AP1M1: variants seen among roughly 807,000 people sequenced by gnomAD.
AP1M1 encodes the protein AP-1 complex subunit mu-1.
In AP1M1, 18 loss-of-function variants were observed where a neutral mutation model predicts 57.1. The ratio of observed to expected loss-of-function variants is 0.32; its 90% CI spans 0.22 to 0.47. The LOEUF is 0.47. Among genes scored for constraint, AP1M1 ranks in the 20% least tolerant of loss-of-function variants. AP1M1 has a pLI of 1.00. For missense variants in AP1M1, 362 were observed against 593.5 expected, an observed-to-expected ratio of 0.61 and a Z score of 4.05; for synonymous variants, 241 against 237.9, an observed-to-expected ratio of 1.01 and a Z score of -0.12.
rs574249263 is a variant in AP1M1 at position 16,207,967 on chromosome 19, G to A, written c.268-52G>A. On this transcript the variant is annotated intron_variant, in intron 3 of 11. Coordinates refer to ENST00000291439, the MANE Select transcript of AP1M1 (RefSeq NM_032493.4). The surrounding 1 kb of genome is among the most constrained non-coding windows in gnomAD (Gnocchi z 4.2). Reference sequence around the variant, plus strand: ...GCAAGCGTTCATTCATTCCTCATCCGTCCGCTCAATGATCTGCCTCCCATT... The same window carrying A: ...GCAAGCGTTCATTCATTCCTCATCCATCCGCTCAATGATCTGCCTCCCATT... The A allele has an allele frequency of 1.3e-5, 20 of 1,576,754 alleles. No homozygotes were observed. Among genetic ancestry groups the A allele is most frequent in the East Asian group, 6.7e-5 (3 of 44,594 alleles).
chr19:16,216,733 C>T (rs1182157912), intron 5 of AP1M1, among the ~76,000 whole-genome samples: 2 of 152,196 alleles, frequency 1.3e-5, no homozygotes, highest in South Asian at 2.1e-4. Context: ...GAACTGCATG[C>T]TCTAACTCTG....
At chr19:16,230,641 C>T (rs1443382718) in intron 9 of AP1M1, among the ~76,000 whole-genome samples, 1 of 152,068 alleles carries the variant, frequency 6.6e-6, no homozygotes, top group African/African-American at 2.4e-5. Flanking sequence ...CCTTGTGATC[C>T]GCCTGACTCA....
Position 16,206,370 on chromosome 19 carries a change from G to T in AP1M1, c.229G>T (p.Val77Leu), listed in dbSNP as rs778991416. The change falls in exon 3 of 12, where the codon GTG becomes TTG. Residue 77 changes from valine to leucine, a missense_variant. By Grantham distance (32) the Val-to-Leu change is conservative. Transcript: ENST00000291439. This position sits in a 1 kb window ranked among gnomAD's most constrained non-coding sequence, Gnocchi z 4.3. ...TGCCACATCCAAGAAGAACGCGTGC[G>T]TGTCGCTGGTCTTTTCTTTCCTCTA... ...LVATSKKNAC[V>L]SLVFSFLYKV... 1 of 1,614,148 alleles carries T rather than the reference G, an allele frequency of 6.2e-7. No individual in the cohort carries two copies. Among genetic ancestry groups the T allele is most frequent in the Non-Finnish European group, 8.5e-7 (1 of 1,180,024 alleles).
At chr19:16,222,394 G>A (rs939120032) in intron 5 of AP1M1, among the ~76,000 whole-genome samples, 7 of 149,534 alleles carry the variant, frequency 4.7e-5, no homozygotes, top group African/African-American at 1.5e-4. Flanking sequence ...AAAAATTTTT[G>A]TAGAGATGAG....
At position 16,224,144 on chromosome 19, in the gene AP1M1, C is replaced by A. The variant is rs182217123; in HGVS notation, c.547-2277C>A. ...GACTGTCTCGCGCACTCCGTGCAGA[C>A]CTCTTCGCTTTCTTACTTTCCGGGA... is the stretch of plus-strand genomic sequence containing the variant. On this transcript the variant is annotated intron_variant, in intron 5 of 11. Transcript: ENST00000291439. 5.9e-5 allele frequency among the ~76,000 whole-genome samples: 9 copies of A among 152,366 alleles called. No individual in the cohort carries two copies. In the East Asian group the frequency reaches 1.7e-3, roughly 29 times the overall value.
chr19:16,197,975 T>TCGCTGCCGCCGCCACCGCCATCGGC lies in AP1M1; in HGVS notation c.-33_-32insATCGGCCGCTGCCGCCGCCACCGCC. The stretch of plus-strand genomic sequence containing the variant: ...GCTCAACGCCCAGCAGTCCCCACCG[T>TCGCTGCCGCCGCCACCGCCATCGGC]CGCTGCCGCCGCCACCGCCCTCGGC... On this transcript the variant is annotated 5_prime_UTR_variant, in exon 1 of 12. Coordinates refer to ENST00000291439, the MANE Select transcript of AP1M1 (RefSeq NM_032493.4). 2.8e-6 allele frequency: 4 copies of TCGCTGCCGCCGCCACCGCCATCGGC among 1,451,820 alleles called. No individual in the cohort carries two copies. Among genetic ancestry groups the TCGCTGCCGCCGCCACCGCCATCGGC allele is most frequent in the South Asian group, 1.3e-5 (1 of 77,830 alleles). 89.9% of individuals were successfully genotyped at this position (1,451,820 alleles called of 1,614,324 possible).
In AP1M1 at chr19:16,242,531, C is replaced by G. The variant is rs2091649032; in HGVS notation, c.*8096C>G. ...CAAAGCTGCTAGTTGAAGATGTTGT[C>G]GGATTGAACTGAAATACAAAATCCT... On this transcript the variant is annotated 3_prime_UTR_variant, in exon 12 of 12. Transcript: ENST00000291439. 2 of 152,048 alleles carry G rather than the reference C, an allele frequency of 1.3e-5. No homozygotes were observed. The highest frequency in any genetic ancestry group is 4.8e-5 in the African/African-American group (2 of 41,368). 9.4% of individuals were successfully genotyped at this position (152,048 alleles called of 1,614,324 possible).
rs542362152 is a variant in AP1M1, at chr19:16,203,998, G to A, written c.199+383G>A. Among the ~76,000 whole-genome samples the A allele has an allele frequency of 1.3e-3, 194 of 152,322 alleles. No homozygotes were observed. Among genetic ancestry groups the A allele is most frequent in the Middle Eastern group, 3.4e-3 (1 of 294 alleles). On this transcript the variant is annotated intron_variant, in intron 2 of 11. Transcript: ENST00000291439. This position sits in a 1 kb window ranked among gnomAD's most constrained non-coding sequence, Gnocchi z 4.6. Reference sequence around the variant, plus strand: ...CACTCGGGGTGGCTGGAGAGGGGGCGTGTAGGGCAGCGAGGCTGGAGTGGT... The same window carrying A: ...CACTCGGGGTGGCTGGAGAGGGGGCATGTAGGGCAGCGAGGCTGGAGTGGT...
rs1302413011 is a variant in AP1M1 at position 16,207,232 on chromosome 19, G to A, written c.268-787G>A. Among the ~76,000 whole-genome samples the A allele has an allele frequency of 6.6e-6, 1 of 152,142 alleles. No individual in the cohort carries two copies. The highest frequency in any genetic ancestry group is 1.5e-5 in the Non-Finnish European group (1 of 68,004). ...GGGAAAGCTTTCATCCCTCACTGAT[G>A]CTGCCTGTGCAGAATGTTGGGGAAC... On this transcript the variant is annotated intron_variant, in intron 3 of 11. Coordinates refer to ENST00000291439, the MANE Select transcript of AP1M1 (RefSeq NM_032493.4). This position sits in a 1 kb window ranked among gnomAD's most constrained non-coding sequence, Gnocchi z 4.2.
chr19:16,242,309 CA>C lies in AP1M1; in HGVS notation c.*7886del, dbSNP rs67062293. 38,862 of 149,648 alleles carry C rather than the reference CA, an allele frequency of 0.26. 6,944 individuals are homozygous for C. Among genetic ancestry groups the C allele is most frequent in the East Asian group, 0.61 (3,107 of 5,116 alleles). 9.3% of individuals were successfully genotyped at this position (149,648 alleles called of 1,614,324 possible). On this transcript the variant is annotated 3_prime_UTR_variant, in exon 12 of 12. Coordinates refer to ENST00000291439, the MANE Select transcript of AP1M1 (RefSeq NM_032493.4). ...TGGGTGACAGAGTGACACCCTGCCTCAAAAAAAAAAAATAAAATAAAGGAAA... is the reference window on the plus strand; with the variant it reads ...TGGGTGACAGAGTGACACCCTGCCTCAAAAAAAAAAATAAAATAAAGGAAA...
chr19:16,233,452 G>T, intron 9 of AP1M1, 41 bp from the exon 10 acceptor site: 1 of 1,534,840 alleles, frequency 6.5e-7, no homozygotes, highest in Non-Finnish European at 8.8e-7. Flanking sequence ...CTAAGCTGGG[G>T]CAGGGCCTAG....
At chr19:16,202,139 A>G (rs1262329712) in intron 1 of AP1M1, among the ~76,000 whole-genome samples, 1 of 152,202 alleles carries the variant, frequency 6.6e-6, no homozygotes, top group Non-Finnish European at 1.5e-5. Flanking sequence ...ACACTAGGAA[A>G]GGAAGGTGCC....
intron 10 of AP1M1, among the ~76,000 whole-genome samples, chr19:16,233,848 G>GC (rs1165565144): frequency 1.3e-5 from 2 of 151,952 alleles, no homozygotes; most frequent in African/African-American, 4.8e-5. Context: ...TTGAGGCTCT[G>GC]CCGTCCACTC....
At chr19:16,233,046 T>A (rs1020231239) in intron 9 of AP1M1, among the ~76,000 whole-genome samples, 1 of 152,210 alleles carries the variant, frequency 6.6e-6, no homozygotes, top group Non-Finnish European at 1.5e-5. Flanking sequence ...TCTCTTTTCT[T>A]TCACATGCTG....
chr19:16,230,404 CTTT>C (rs58625387), intron 9 of AP1M1, among the ~76,000 whole-genome samples: 1 of 143,450 alleles, frequency 7.0e-6, no homozygotes, highest in African/African-American at 2.6e-5. Context: ...ATACGGTAAC[CTTT>C]TTTTTTTTTT....
rs193176924 is a variant in AP1M1 at position 16,212,412 on chromosome 19, G to A, written c.546+3235G>A. Among the ~76,000 whole-genome samples, 4 of 152,212 alleles carry A rather than the reference G, an allele frequency of 2.6e-5. No individual in the cohort carries two copies. The East Asian group carries it at 7.7e-4, about 29-fold the overall frequency. The stretch of plus-strand genomic sequence containing the variant: ...TAGAAGTGTTAATAATAGTCTCTAA[G>A]GGTTATTTGTAGTTCTGTGGGGTCA... On this transcript the variant is annotated intron_variant, in intron 5 of 11. Transcript: ENST00000291439.
At chr19:16,231,683 C>T (rs1298474325) in intron 9 of AP1M1, among the ~76,000 whole-genome samples, 3 of 152,202 alleles carry the variant, frequency 2.0e-5, no homozygotes, top group African/African-American at 7.2e-5. Context: ...TCCCAAAGCA[C>T]TGGGATGACA....
chr19:16,226,170 C>G (rs1485799823), intron 5 of AP1M1, among the ~76,000 whole-genome samples: 1 of 152,170 alleles, frequency 6.6e-6, no homozygotes, highest in Admixed American at 6.5e-5. Context: ...CACCTCATGT[C>G]CACAGGGCCT....
Position 16,239,237 on chromosome 19 carries a change from CTCTTTTTTTTTTTTTTTTT to C in AP1M1, c.*4804_*4822del, listed in dbSNP as rs2091636461. The C allele has an allele frequency of 1.5e-4, 12 of 79,240 alleles. No homozygotes were observed. Among genetic ancestry groups the C allele is most frequent in the Admixed American group, 1.2e-3 (8 of 6,610 alleles). The allele number at this position is 79,240 out of a possible 1,614,324, so 4.9% of individuals were successfully genotyped here. On this transcript the variant is annotated 3_prime_UTR_variant, in exon 12 of 12. Transcript: ENST00000291439. Reference sequence around the variant, plus strand: ...CATGAGCCACCGCGCCCGGCCAGTTCTCTTTTTTTTTTTTTTTTTTTTTTTTTTTTTTTTTTTTTTTTAA... The same window carrying C: ...CATGAGCCACCGCGCCCGGCCAGTTCTTTTTTTTTTTTTTTTTTTTTTTAA...
Sources: allele counts gnomAD v4.1 joint callset (sites outside exome capture counted in the v4.1 genomes callset), GRCh38; gene constraint gnomAD v4.1.1; non-coding constraint Gnocchi (gnomAD v3.1); transcripts MANE v1.5; gene names NCBI Gene and HGNC (gene_info 2026-07-23, HGNC 2026-07-21).